Variants in RAB3B observed in about 807,000 individuals in gnomAD.
The protein encoded by RAB3B is RAB3B, member RAS oncogene family, also known as ras-related protein Rab-3B.
A neutral mutation model predicts 20.5 loss-of-function variants in RAB3B; 11 were observed. That is an observed-to-expected ratio of 0.54 (90% CI 0.34 to 0.89). The LOEUF is 0.89. Ranked by LOEUF, RAB3B falls within the 40% of genes least tolerant of loss-of-function variation. RAB3B has a pLI of 0.02. For synonymous variants in RAB3B, 99 were observed against 106.3 expected, an observed-to-expected ratio of 0.93 and a Z score of 0.42; for missense variants, 225 against 280.9, an observed-to-expected ratio of 0.80 and a Z score of 1.42.
intron 2 of RAB3B, among the ~76,000 whole-genome samples, chr1:51,953,786 G>GTTTT (rs1684671665): frequency 6.6e-6 from 1 of 152,156 alleles, no homozygotes; most frequent in Non-Finnish European, 1.5e-5. Flanking sequence ...GGATGACACA[G>GTTTT]CAAGACTCCA....
In RAB3B at chr1:51,931,203, C is replaced by A. The variant is rs947734078; in HGVS notation, c.472+2115G>T. ...CAGTGATTTATGGTTCCCTGACCCA[C>A]AAGGCAGCTCCTTGCCTCTGCCAGG... is the stretch of plus-strand genomic sequence containing the variant. On this transcript the variant is annotated intron_variant, in intron 4 of 4. Coordinates refer to ENST00000371655, the MANE Select transcript of RAB3B (RefSeq NM_002867.4). 3.9e-5 allele frequency among the ~76,000 whole-genome samples: 6 copies of A among 152,344 alleles called. No individual in the cohort carries two copies. In the East Asian group the frequency reaches 5.8e-4, roughly 15 times the overall value.
chr1:51,942,596 C>T (rs1684508657), intron 2 of RAB3B, among the ~76,000 whole-genome samples: 1 of 152,190 alleles, frequency 6.6e-6, no homozygotes, highest in African/African-American at 2.4e-5. Flanking sequence ...TCTAAAATGT[C>T]TCCTGATATT....
chr1:51,964,443 CTCTT>C (rs1423441733), intron 2 of RAB3B, among the ~76,000 whole-genome samples: 1 of 152,034 alleles, frequency 6.6e-6, no homozygotes, highest in African/African-American at 2.4e-5. Flanking sequence ...CCTGCCTTCA[CTCTT>C]TCCCTTGTTA....
intron 2 of RAB3B, among the ~76,000 whole-genome samples, chr1:51,964,800 C>A (rs2124294165): frequency 6.6e-6 from 1 of 152,320 alleles, no homozygotes; most frequent in South Asian, 2.1e-4. Flanking sequence ...TACTACCTCC[C>A]TAGTTCAAGC....
rs1263781373 is a variant in RAB3B at position 51,920,751 on chromosome 1, C to T, written c.473-637G>A. 3.9e-5 allele frequency among the ~76,000 whole-genome samples: 6 copies of T among 152,138 alleles called. No homozygotes were observed. In the East Asian group the frequency reaches 1.2e-3, roughly 29 times the overall value. On this transcript the variant is annotated intron_variant, in intron 4 of 4. Transcript: ENST00000371655. ...TTCGCAGGGATTTTCCTCCTCTTTC[C>T]CCTGCCTCTCATTCCCCCTAGGCTG...
rs1015811852 is a variant in RAB3B at position 51,914,809 on chromosome 1, G to T, written c.*5118C>A. The T allele has an allele frequency of 6.6e-6, 1 of 152,234 alleles. No individual in the cohort carries two copies. Among genetic ancestry groups the T allele is most frequent in the South Asian group, 2.1e-4 (1 of 4,828 alleles). The allele number at this position is 152,234 out of a possible 1,614,324, so 9.4% of individuals were successfully genotyped here. A position where few individuals can be genotyped will look rare whatever the true frequency, so the allele number is the denominator to read the frequency against. On this transcript the variant is annotated 3_prime_UTR_variant, in exon 5 of 5. Coordinates refer to ENST00000371655, the MANE Select transcript of RAB3B (RefSeq NM_002867.4). ...TAGTTCTTTCCCCTTCCCCTAAACT[G>T]TTGGCAAACAAAGTCAAACAAACAT...
rs974174103 is a variant in RAB3B, at chr1:51,918,768, T to G, written c.*1159A>C. 20 of 152,192 alleles carry G rather than the reference T, an allele frequency of 1.3e-4. No individual in the cohort carries two copies. The highest frequency in any genetic ancestry group is 7.3e-5 in the Non-Finnish European group (5 of 68,038). The allele number at this position is 152,192 out of a possible 1,614,324, so 9.4% of individuals were successfully genotyped here. A position where few individuals can be genotyped will look rare whatever the true frequency, so the allele number is the denominator to read the frequency against. On this transcript the variant is annotated 3_prime_UTR_variant, in exon 5 of 5. Coordinates refer to ENST00000371655, the MANE Select transcript of RAB3B (RefSeq NM_002867.4). ...CCCGTCAAATCTAAAATCCTCAGGTTCTAGGAGTCTAAGAACTAATAACCA... is the reference window on the plus strand; with the variant it reads ...CCCGTCAAATCTAAAATCCTCAGGTGCTAGGAGTCTAAGAACTAATAACCA...
chr1:51,946,397 C>G (rs918768521), intron 2 of RAB3B, among the ~76,000 whole-genome samples: 1 of 152,150 alleles, frequency 6.6e-6, no homozygotes, highest in Non-Finnish European at 1.5e-5. Flanking sequence ...TCTCCTCCTA[C>G]TGATGAGAGT....
In RAB3B at chr1:51,914,185, A is replaced by C. The variant is rs1684049040; in HGVS notation, c.*5742T>G. 6.6e-6 allele frequency: 1 copy of C among 152,234 alleles called. No homozygotes were observed. Among genetic ancestry groups the C allele is most frequent in the Admixed American group, 6.5e-5 (1 of 15,282 alleles). The allele number at this position is 152,234 out of a possible 1,614,324, so 9.4% of individuals were successfully genotyped here. ...TAGCCAGGCAGTCTAACAATGTTTCACAGGTAGAGATATTCTTTCTCCTAT... is the reference window on the plus strand; with the variant it reads ...TAGCCAGGCAGTCTAACAATGTTTCCCAGGTAGAGATATTCTTTCTCCTAT... On this transcript the variant is annotated 3_prime_UTR_variant, in exon 5 of 5. Transcript: ENST00000371655.
At position 51,916,664 on chromosome 1, in the gene RAB3B, T is replaced by A. The variant is rs1405425434; in HGVS notation, c.*3263A>T. On this transcript the variant is annotated 3_prime_UTR_variant, in exon 5 of 5. Transcript: ENST00000371655. ...AGTGGAGCATGGAGGCTCCTGCTGA[T>A]TGGGAGCCTGATAAGTGTTGCCTGG... is the stretch of plus-strand genomic sequence containing the variant. 6.6e-6 allele frequency: 1 copy of A among 152,190 alleles called. No homozygotes were observed. Among genetic ancestry groups the A allele is most frequent in the Non-Finnish European group, 1.5e-5 (1 of 68,032 alleles). The allele number at this position is 152,190 out of a possible 1,614,324, so 9.4% of individuals were successfully genotyped here.
At chr1:51,930,364 A>G (rs147623593) in intron 4 of RAB3B, among the ~76,000 whole-genome samples, 1 of 152,334 alleles carries the variant, frequency 6.6e-6, no homozygotes, top group East Asian at 1.9e-4. Flanking sequence ...AATGCTAAAC[A>G]TTTCACATAG....
rs1346902859 is a variant in RAB3B at position 51,915,312 on chromosome 1, A to G, written c.*4615T>C. On this transcript the variant is annotated 3_prime_UTR_variant, in exon 5 of 5. Transcript: ENST00000371655. ...GCTAGGCCCTAGTCGATAGTCAAAT[A>G]GCTAAGTGTCTTCTTAGAGGTGATC... 6.6e-6 allele frequency: 1 copy of G among 152,142 alleles called. No individual in the cohort carries two copies. The highest frequency in any genetic ancestry group is 1.5e-5 in the Non-Finnish European group (1 of 68,022). 9.4% of individuals were successfully genotyped at this position (152,142 alleles called of 1,614,324 possible).
intron 2 of RAB3B, among the ~76,000 whole-genome samples, chr1:51,964,938 G>T (rs1211785165): frequency 2.6e-5 from 4 of 152,172 alleles, no homozygotes; most frequent in African/African-American, 4.8e-5. Flanking sequence ...TAAGTGTTAA[G>T]ATGTAAGTCA....
chr1:51,908,564 TG>T lies in RAB3B; in HGVS notation c.*11362del, dbSNP rs11337926. ...AACCTGCTCCAGGGTTTAATTCTGT[TG>T]GGGTTGTGGGGCTGACAACAATGTG... is the stretch of plus-strand genomic sequence containing the variant. On this transcript the variant is annotated 3_prime_UTR_variant, in exon 5 of 5. Transcript: ENST00000371655. 0.12 allele frequency: 17,974 copies of T among 151,840 alleles called. 1,406 individuals are homozygous for T. Among genetic ancestry groups the T allele is most frequent in the African/African-American group, 0.22 (9,107 of 41,328 alleles). The allele number at this position is 151,840 out of a possible 1,614,324, so 9.4% of individuals were successfully genotyped here.
At chr1:51,951,178 A>C (rs2124276268) in intron 2 of RAB3B, among the ~76,000 whole-genome samples, 1 of 149,370 alleles carries the variant, frequency 6.7e-6, no homozygotes, top group African/African-American at 2.5e-5. Flanking sequence ...TAGGTTCAGG[A>C]GGTAAATGTA....
chr1:51,963,394 GC>G (rs1257211064), intron 2 of RAB3B, among the ~76,000 whole-genome samples: 4 of 151,942 alleles, frequency 2.6e-5, no homozygotes, highest in Admixed American at 2.6e-4. Flanking sequence ...GACTCCCCAG[GC>G]CCTCTTGCTT....
At chr1:51,943,639 A>C (rs1463686135) in intron 2 of RAB3B, among the ~76,000 whole-genome samples, 1 of 152,224 alleles carries the variant, frequency 6.6e-6, no homozygotes, top group Admixed American at 6.5e-5. Context: ...CGAACACATA[A>C]GTGATAAGAA....
intron 2 of RAB3B, chr1:51,973,489 T>C (rs530084681): frequency 6.6e-6 from 1 of 152,290 alleles, no homozygotes; most frequent in South Asian, 2.1e-4. Flanking sequence ...GGTTAGTACT[T>C]GGATGGGAGA....
At chr1:51,967,510 C>CTTTTCT (rs1328751253) in intron 2 of RAB3B, among the ~76,000 whole-genome samples, 5 of 28,206 alleles carry the variant, frequency 1.8e-4, no homozygotes, top group African/African-American at 3.5e-4. Context: ...TTTTTCTTTT[C>CTTTTCT]TTTTCTTTTT....
Sources: allele counts gnomAD v4.1 joint callset (sites outside exome capture counted in the v4.1 genomes callset), GRCh38; gene constraint gnomAD v4.1.1; transcripts MANE v1.5; gene names NCBI Gene and HGNC (gene_info 2026-07-23, HGNC 2026-07-21).